SDK1: variants seen among roughly 807,000 people sequenced by gnomAD.
SDK1 encodes the protein protein sidekick-1.
Under a neutral mutation model 245.5 loss-of-function variants are expected in SDK1, and 157 were observed. That is an observed-to-expected ratio of 0.64 (90% CI 0.56 to 0.73). The LOEUF (loss-of-function observed/expected upper bound fraction) is 0.73, where lower values mean the gene tolerates loss of function less well. Ranked by LOEUF, SDK1 falls within the 30% of genes least tolerant of loss-of-function variation. The pLI is 0.00. For synonymous variants in SDK1, 1,647 were observed against 1,278.5 expected (o/e 1.29, Z -6.15); for missense variants, 3,583 against 3,002.3 (o/e 1.19, Z -4.52).
chr7:3,605,572 G>A (rs1781396380), intron 1 of SDK1, among the ~76,000 whole-genome samples: 3 of 152,062 alleles, frequency 2.0e-5, no homozygotes, highest in Non-Finnish European at 4.4e-5. Flanking sequence ...TATATATTTA[G>A]GCAGTACATT....
At chr7:3,758,859 A>G (rs1382424105) in intron 4 of SDK1, among the ~76,000 whole-genome samples, 3 of 152,202 alleles carry the variant, frequency 2.0e-5, no homozygotes, top group Non-Finnish European at 4.4e-5. Flanking sequence ...ACCCATGTAT[A>G]CACACAAGTC....
At chr7:3,945,899 T>TG (rs1780556848) in intron 5 of SDK1, among the ~76,000 whole-genome samples, 1 of 13,678 alleles carries the variant, frequency 7.3e-5, no homozygotes, top group African/African-American at 1.6e-4. Flanking sequence ...ACTCTGTCTG[T>TG]AAAAAAAAAA....
intron 1 of SDK1, among the ~76,000 whole-genome samples, chr7:3,340,001 A>G (rs957122157): frequency 1.3e-5 from 2 of 152,188 alleles, no homozygotes; most frequent in African/African-American, 4.8e-5. Context: ...CAGGAATGAA[A>G]TAGAGGATAT....
In SDK1 at chr7:4,268,307, G is replaced by C; in HGVS notation, c.*2923G>C. The stretch of plus-strand genomic sequence containing the variant: ...GAGCTCCCTCCTCCTGGGGTGCCAG[G>C]GCAGAGATTCCAGGCAGGTGAGCCC... On this transcript the variant is annotated 3_prime_UTR_variant, in exon 45 of 45. Transcript: ENST00000404826. 9.7e-7 allele frequency: 1 copy of C among 1,026,766 alleles called. No homozygotes were observed. The highest frequency in any genetic ancestry group is 1.2e-6 in the Non-Finnish European group (1 of 854,448). The allele number at this position is 1,026,766 out of a possible 1,614,324, so 63.6% of individuals were successfully genotyped here. A position where few individuals can be genotyped will look rare whatever the true frequency, so the allele number is the denominator to read the frequency against.
intron 35 of SDK1, among the ~76,000 whole-genome samples, chr7:4,191,187 G>C (rs1783187381): frequency 6.6e-6 from 1 of 152,018 alleles, no homozygotes; most frequent in African/African-American, 2.4e-5. Flanking sequence ...GTGTCCTCAT[G>C]GCCCCCAGGC....
At position 4,114,169 on chromosome 7, in the gene SDK1, G is replaced by C. The variant is rs1156572648; in HGVS notation, c.3718G>C (p.Glu1240Gln). 1.4e-5 allele frequency: 22 copies of C among 1,614,048 alleles called. No individual in the cohort carries two copies. Among genetic ancestry groups the C allele is most frequent in the Non-Finnish European group, 1.9e-5 (22 of 1,180,044 alleles). Residue 1240 changes from glutamate to glutamine, a missense_variant, in exon 25 of 45, where the codon GAG becomes CAG. By Grantham distance (29) the Glu-to-Gln change is conservative. Coordinates refer to ENST00000404826, the MANE Select transcript of SDK1 (RefSeq NM_152744.4). Reference protein sequence around the residue: ...SDRLEREFTIEELEEWMEYEL... With the variant: ...SDRLEREFTIQELEEWMEYEL... The stretch of plus-strand genomic sequence containing the variant: ...CCGGCTGGAGAGAGAATTCACCATC[G>C]AGGAGCTGGAGGAGTGGATGGAATA...
At chr7:3,981,004 A>G (rs550034938) in intron 13 of SDK1, among the ~76,000 whole-genome samples, 3 of 152,246 alleles carry the variant, frequency 2.0e-5, no homozygotes, top group African/African-American at 4.8e-5. Flanking sequence ...GCCATCTTCT[A>G]TTGCATGCCT....
rs950505463 is a variant in SDK1, at chr7:3,821,341, T to C, written c.714-109T>C. 5 of 1,283,100 alleles carry C rather than the reference T, an allele frequency of 3.9e-6. No homozygotes were observed. The African/African-American group carries it at 6.1e-5, about 16-fold the overall frequency. 79.5% of individuals were successfully genotyped at this position (1,283,100 alleles called of 1,614,324 possible). On this transcript the variant is annotated intron_variant, in intron 4 of 44. Coordinates refer to ENST00000404826, the MANE Select transcript of SDK1 (RefSeq NM_152744.4). Reference sequence around the variant, plus strand: ...TGTATTGTTTTTGTCCTTCCAGCTCTTCTTTTAAACTCTAGGCATTCCTTT... The same window carrying C: ...TGTATTGTTTTTGTCCTTCCAGCTCCTCTTTTAAACTCTAGGCATTCCTTT...
chr7:3,962,061 ACT>A (rs745570511), intron 8 of SDK1, among the ~76,000 whole-genome samples: 9 of 152,174 alleles, frequency 5.9e-5, no homozygotes, highest in Non-Finnish European at 1.0e-4. Context: ...ACGTGCACAC[ACT>A]CGCATGAACA....
intron 10 of SDK1, among the ~76,000 whole-genome samples, chr7:3,968,905 T>C (rs868523668): frequency 5.9e-5 from 9 of 152,352 alleles, no homozygotes; most frequent in Middle Eastern, 3.4e-3. Context: ...CTCACAGTTC[T>C]GCATAGCTGG....
intron 1 of SDK1, among the ~76,000 whole-genome samples, chr7:3,344,413 A>G (rs185173428): frequency 2.8e-4 from 42 of 152,266 alleles, no homozygotes; most frequent in African/African-American, 9.9e-4. Context: ...CGTTAGTTGT[A>G]TAAGAAAATT....
At chr7:3,808,219 G>C (rs1429306587) in intron 4 of SDK1, among the ~76,000 whole-genome samples, 1 of 152,162 alleles carries the variant, frequency 6.6e-6, no homozygotes, top group South Asian at 2.1e-4. Flanking sequence ...TCATGACGGC[G>C]AGGAGGGCAG....
At position 3,348,989 on chromosome 7, in the gene SDK1, A is replaced by G. The variant is rs556386400; in HGVS notation, c.298+47105A>G. ...ACTCTGTCCCTGGAGTGTGCCCCTC[A>G]CGTTTTTGTGCATGTCACTGTGGCA... is the stretch of plus-strand genomic sequence containing the variant. On this transcript the variant is annotated intron_variant, in intron 1 of 44. Coordinates refer to ENST00000404826, the MANE Select transcript of SDK1 (RefSeq NM_152744.4). Among the ~76,000 whole-genome samples the G allele has an allele frequency of 1.3e-3, 204 of 152,176 alleles. 4 individuals are homozygous for G. The highest frequency in any genetic ancestry group is 4.8e-3 in the African/African-American group (198 of 41,492).
At chr7:3,701,665 G>T (rs1315734473) in intron 4 of SDK1, among the ~76,000 whole-genome samples, 2 of 152,070 alleles carry the variant, frequency 1.3e-5, no homozygotes, top group Non-Finnish European at 2.9e-5. Flanking sequence ...GCTGGAATAG[G>T]TGAACAGTTT....
chr7:4,100,475 A>G (rs1383017942), intron 22 of SDK1, among the ~76,000 whole-genome samples: 2 of 151,986 alleles, frequency 1.3e-5, no homozygotes, highest in African/African-American at 2.4e-5. Flanking sequence ...CGTGCCCCCA[A>G]TTCCTGTGCT....
intron 4 of SDK1, among the ~76,000 whole-genome samples, chr7:3,777,936 C>A (rs1269516584): frequency 1.3e-5 from 2 of 152,216 alleles, no homozygotes. Flanking sequence ...AAAGCCACAG[C>A]TTCATGCTGA....
intron 13 of SDK1, among the ~76,000 whole-genome samples, chr7:3,984,090 G>A (rs564706664): frequency 2.0e-5 from 3 of 152,270 alleles, no homozygotes; most frequent in East Asian, 1.9e-4. Flanking sequence ...TTGCTGTTGG[G>A]TGTGCCTGCT....
chr7:3,358,410 A>G (rs1238492834), intron 1 of SDK1, among the ~76,000 whole-genome samples: 2 of 149,176 alleles, frequency 1.3e-5, no homozygotes, highest in South Asian at 2.1e-4. Context: ...ATTTGGAGCA[A>G]TTAGCTAATC....
intron 4 of SDK1, among the ~76,000 whole-genome samples, chr7:3,803,313 T>C (rs1416353897): frequency 6.7e-6 from 1 of 148,268 alleles, no homozygotes; most frequent in East Asian, 1.9e-4. Flanking sequence ...CTTTCTTTCT[T>C]TCTTTTTTTT....
Sources: gnomAD v4.1 joint callset for allele counts (sites outside exome capture counted in the v4.1 genomes callset) on GRCh38, gnomAD v4.1.1 for gene constraint, MANE v1.5 for transcripts, NCBI Gene and HGNC (gene_info 2026-07-23, HGNC 2026-07-21) for gene names.